TTC39B: variants seen among roughly 807,000 people sequenced by gnomAD.
The protein encoded by TTC39B is tetratricopeptide repeat domain 39B.
A neutral mutation model predicts 96.6 loss-of-function variants in TTC39B; 92 were observed. The observed-to-expected ratio is 0.95, with a 90% CI of 0.80 to 1.13. The LOEUF is 1.13. Among genes scored for constraint, TTC39B ranks in the 50% most tolerant of loss-of-function variants. TTC39B has a pLI of 0.00. For synonymous variants in TTC39B, 367 were observed against 299.4 expected (o/e 1.23, Z -2.33); for missense variants, 955 against 809.3 (o/e 1.18, Z -2.18).
chr9:15,244,141 G>T (rs1451314168), intron 2 of TTC39B, among the ~76,000 whole-genome samples: 1 of 152,196 alleles, frequency 6.6e-6, no homozygotes, highest in African/African-American at 2.4e-5. Context: ...TGTTGGATTG[G>T]CAAGAGATAG....
At chr9:15,236,794 T>C (rs1302935882) in intron 2 of TTC39B, among the ~76,000 whole-genome samples, 1 of 152,104 alleles carries the variant, frequency 6.6e-6, no homozygotes, top group Admixed American at 6.5e-5. Flanking sequence ...AGACACAACA[T>C]ACTAAAACCT....
intron 14 of TTC39B, among the ~76,000 whole-genome samples, chr9:15,187,747 A>G (rs1818612672): frequency 6.6e-6 from 1 of 152,266 alleles, no homozygotes; most frequent in African/African-American, 2.4e-5. Context: ...GGCATGGGCC[A>G]TCGCATTTGG....
At position 15,187,053 on chromosome 9, in the gene TTC39B, G is replaced by T. The variant is rs560743719; in HGVS notation, c.1396-18C>A. The T allele has an allele frequency of 9.4e-6, 15 of 1,590,376 alleles. No individual in the cohort carries two copies. In the East Asian group the frequency reaches 2.5e-4, roughly 26 times the overall value. On this transcript the variant is annotated intron_variant, in intron 14 of 19. Coordinates refer to ENST00000512701, the Ensembl canonical transcript of TTC39B. ...TAAGTTGCCTTGAGAAAAAGAAGGA[G>T]CTTATTACAGAACATCCCTAGGTAA...
At chr9:15,198,004 G>C (rs1206956658) in intron 8 of TTC39B, among the ~76,000 whole-genome samples, 1 of 152,150 alleles carries the variant, frequency 6.6e-6, no homozygotes, top group East Asian at 1.9e-4. Context: ...TCTTTAGTCT[G>C]AAAGTAAACA....
chr9:15,287,747 C>T (rs551163956), intron 1 of TTC39B, among the ~76,000 whole-genome samples: 1 of 152,084 alleles, frequency 6.6e-6, no homozygotes, highest in South Asian at 2.1e-4. Flanking sequence ...GAGATTGAGA[C>T]CATCTTGGCT....
At chr9:15,281,718 T>C (rs1419119126) in intron 1 of TTC39B, among the ~76,000 whole-genome samples, 1 of 146,726 alleles carries the variant, frequency 6.8e-6, no homozygotes, top group African/African-American at 2.6e-5. Context: ...ACTCTGTCAC[T>C]CACGCTGGAG....
At chr9:15,209,035 T>C (rs1046542254) in intron 6 of TTC39B, among the ~76,000 whole-genome samples, 2 of 152,192 alleles carry the variant, frequency 1.3e-5, no homozygotes, top group Non-Finnish European at 2.9e-5. Context: ...TATTTTGTGT[T>C]CTCTAGTATG....
At chr9:15,305,112 T>C (rs547624625) in intron 1 of TTC39B, among the ~76,000 whole-genome samples, 139 of 152,264 alleles carry the variant, frequency 9.1e-4, no homozygotes, top group Middle Eastern at 3.4e-3. Flanking sequence ...CAGGGTCTTA[T>C]GAACTCGAGG....
Position 15,306,425 on chromosome 9 carries a change from C to T in TTC39B, c.240+659G>A, listed in dbSNP as rs532167374. Among the ~76,000 whole-genome samples the T allele has an allele frequency of 6.6e-6, 1 of 152,136 alleles. No homozygotes were observed. Among genetic ancestry groups the T allele is most frequent in the Non-Finnish European group, 1.5e-5 (1 of 68,010 alleles). On this transcript the variant is annotated intron_variant, in intron 1 of 19. Transcript: ENST00000512701. The surrounding 1 kb of genome is among the most constrained non-coding windows in gnomAD (Gnocchi z 5.1). ...GTCGGTTCTCAAAGTGGTTTCCCTC[C>T]GGCCACCACCGACTCTGAGGACCTG...
chr9:15,185,262 G>T lies in TTC39B; in HGVS notation c.1614+18C>A. Reference sequence around the variant, plus strand: ...GTAATTTATTTCTAGTACATGAAAAGAAAATAAAAGCAGATACCAGGGCAG... The same window carrying T: ...GTAATTTATTTCTAGTACATGAAAATAAAATAAAAGCAGATACCAGGGCAG... On this transcript the variant is annotated intron_variant, in intron 16 of 19. Coordinates refer to ENST00000512701, the Ensembl canonical transcript of TTC39B. The T allele has an allele frequency of 6.3e-7, 1 of 1,595,516 alleles. No individual in the cohort carries two copies. Among genetic ancestry groups the T allele is most frequent in the African/African-American group, 1.4e-5 (1 of 73,786 alleles).
intron 1 of TTC39B, among the ~76,000 whole-genome samples, chr9:15,286,493 C>A (rs1823980172): frequency 6.6e-6 from 1 of 152,204 alleles, no homozygotes; most frequent in African/African-American, 2.4e-5. Context: ...TCATCTCCTT[C>A]CACCTGTGAT....
At chr9:15,282,417 G>A (rs10961954) in intron 1 of TTC39B, among the ~76,000 whole-genome samples, 9,961 of 152,176 alleles carry the variant, frequency 0.065, 1,080 homozygotes, top group African/African-American at 0.23. Flanking sequence ...AGTTGTACTG[G>A]GGATTAAATG....
intron 1 of TTC39B, among the ~76,000 whole-genome samples, chr9:15,290,992 C>T (rs1010500791): frequency 3.9e-5 from 6 of 152,124 alleles, no homozygotes; most frequent in African/African-American, 1.4e-4. Flanking sequence ...TAAAGCTGGG[C>T]GTGTTTAAGT....
intron 1 of TTC39B, among the ~76,000 whole-genome samples, chr9:15,295,465 C>G (rs1824339065): frequency 6.6e-6 from 1 of 152,212 alleles, no homozygotes; most frequent in African/African-American, 2.4e-5. Flanking sequence ...GATTCTGTGC[C>G]TAAGCCAGCT....
chr9:15,214,334 GTGTGTGTGTGTGTC>G lies in TTC39B; in HGVS notation c.372-99_372-86del, dbSNP rs1442157988. 1,498 of 815,992 alleles carry G rather than the reference GTGTGTGTGTGTGTC, an allele frequency of 1.8e-3. 2 individuals carry two copies. The highest frequency in any genetic ancestry group is 0.014 in the Middle Eastern group (57 of 4,216). The allele number at this position is 815,992 out of a possible 1,614,324, so 50.5% of individuals were successfully genotyped here. A position where few individuals can be genotyped will look rare whatever the true frequency, so the allele number is the denominator to read the frequency against. On this transcript the variant is annotated intron_variant, in intron 3 of 19. Coordinates refer to ENST00000512701, the Ensembl canonical transcript of TTC39B. ...GAAGGGAGTGTGTGTGTGTGTGTGTGTGTGTGTGTGTGTCTGTGTGTGTGTGTCTGTGTGTGTGT... is the reference window on the plus strand; with the variant it reads ...GAAGGGAGTGTGTGTGTGTGTGTGTGTGTGTGTGTGTGTCTGTGTGTGTGT...
chr9:15,287,558 G>C (rs1215710790), intron 1 of TTC39B, among the ~76,000 whole-genome samples: 1 of 152,124 alleles, frequency 6.6e-6, no homozygotes, highest in Non-Finnish European at 1.5e-5. Context: ...GCTTCCCGGA[G>C]CTTACAGACC....
At position 15,306,936 on chromosome 9, in the gene TTC39B, G is replaced by A. The variant is rs113050546; in HGVS notation, c.240+148C>T. On this transcript the variant is annotated intron_variant, in intron 1 of 19. Transcript: ENST00000512701. This position sits in a 1 kb window ranked among gnomAD's most constrained non-coding sequence, Gnocchi z 5.1. ...CAGCGGGGACAGACCTACCAAGGCC[G>A]GGCGCCCCCACCCGGCGCCCGCCAG... 5.3e-6 allele frequency: 6 copies of A among 1,129,976 alleles called. No individual in the cohort carries two copies. Among genetic ancestry groups the A allele is most frequent in the African/African-American group, 4.8e-5 (3 of 62,628 alleles). The allele number at this position is 1,129,976 out of a possible 1,614,324, so 70.0% of individuals were successfully genotyped here.
intron 1 of TTC39B, among the ~76,000 whole-genome samples, chr9:15,278,592 C>T (rs1348679802): frequency 9.9e-5 from 15 of 152,018 alleles, no homozygotes; most frequent in African/African-American, 1.4e-4. Context: ...CAATTTTACC[C>T]AAAACAAACA....
intron 3 of TTC39B, 50 bp downstream of exon 3, chr9:15,225,866 GT>G (rs1285766228): frequency 2.0e-6 from 3 of 1,516,946 alleles, no homozygotes; most frequent in Non-Finnish European, 2.7e-6. Context: ...TCCTTCAAGG[GT>G]GGGACTGTCC....
Sources: gnomAD v4.1 joint callset for allele counts (sites outside exome capture counted in the v4.1 genomes callset) on GRCh38, gnomAD v4.1.1 for gene constraint, Gnocchi (gnomAD v3.1) non-coding constraint, MANE v1.5 for transcripts, NCBI Gene and HGNC (gene_info 2026-07-23, HGNC 2026-07-21) for gene names.